Variants in CENPW observed in about 807,000 individuals in gnomAD.
The protein encoded by CENPW is centromere protein W.
A neutral mutation model predicts 11.1 loss-of-function variants in CENPW; 3 were observed. The ratio of observed to expected loss-of-function variants is 0.27; its 90% CI spans 0.12 to 0.70. The LOEUF (loss-of-function observed/expected upper bound fraction) is 0.70. Among genes scored for constraint, CENPW ranks in the 30% least tolerant of loss-of-function variants. The probability of loss-of-function intolerance (pLI) is 0.77; values close to 1 mark genes in which losing one functional copy is unlikely to be tolerated. For synonymous variants in CENPW, 38 were observed against 42.0 expected (o/e 0.91, Z 0.37); for missense variants, 100 against 105.6 (o/e 0.95, Z 0.23).
the CENPW span, among the ~76,000 whole-genome samples, chr6:126,478,301 G>A: frequency 6.6e-6 from 1 of 151,682 alleles, no homozygotes; most frequent in Admixed American, 6.6e-5. Flanking sequence ...AAATAATGAA[G>A]CAAAAAGACA....
At chr6:126,369,878 T>A in the CENPW span, among the ~76,000 whole-genome samples, 2 of 152,222 alleles carry the variant, frequency 1.3e-5, no homozygotes, top group Non-Finnish European at 2.9e-5. Context: ...GTTTTTCCAA[T>A]GTTATCTTCT....
the CENPW span, among the ~76,000 whole-genome samples, chr6:126,418,720 C>G: frequency 1.3e-5 from 2 of 151,948 alleles, no homozygotes; most frequent in Non-Finnish European, 2.9e-5. Context: ...ATCATATCAA[C>G]TCTGGGGTTA....
At chr6:126,421,181 T>C in the CENPW span, among the ~76,000 whole-genome samples, 3 of 152,180 alleles carry the variant, frequency 2.0e-5, no homozygotes, top group African/African-American at 7.2e-5. Flanking sequence ...CATCTCATAG[T>C]TATTTTGTCC....
the CENPW span, among the ~76,000 whole-genome samples, chr6:126,434,059 T>C: frequency 7.9e-5 from 12 of 152,160 alleles, no homozygotes; most frequent in Non-Finnish European, 1.8e-4. Flanking sequence ...TCTTCCAAGA[T>C]AGGCAAGCAC....
the CENPW span, among the ~76,000 whole-genome samples, chr6:126,421,191 C>T: frequency 6.6e-6 from 1 of 152,026 alleles, no homozygotes; most frequent in Non-Finnish European, 1.5e-5. Flanking sequence ...TTATTTTGTC[C>T]TCTACTATTC....
the CENPW span, among the ~76,000 whole-genome samples, chr6:126,425,363 C>T: frequency 6.6e-6 from 1 of 152,004 alleles, no homozygotes; most frequent in South Asian, 2.1e-4. Flanking sequence ...CTTCTTTCTT[C>T]TCTCGCTCTT....
At chr6:126,416,861 TGCAGAAG>T in the CENPW span, among the ~76,000 whole-genome samples, 1 of 152,196 alleles carries the variant, frequency 6.6e-6, no homozygotes, top group Admixed American at 6.5e-5. Context: ...GCTAGGGCAG[TGCAGAAG>T]GGAAATATGG....
chr6:126,362,586 C>T, the CENPW span, among the ~76,000 whole-genome samples: 44 of 152,264 alleles, frequency 2.9e-4, no homozygotes, highest in South Asian at 1.5e-3. Context: ...GTGGGAACAG[C>T]GCTTCGTGGC....
At chr6:126,411,302 C>A in the CENPW span, among the ~76,000 whole-genome samples, 3 of 152,304 alleles carry the variant, frequency 2.0e-5, no homozygotes, top group South Asian at 4.1e-4. Context: ...ATGGCAGCAG[C>A]AGTGACATAG....
At chr6:126,454,565 TA>T in the CENPW span, among the ~76,000 whole-genome samples, 1 of 151,240 alleles carries the variant, frequency 6.6e-6, no homozygotes, top group African/African-American at 2.4e-5. Flanking sequence ...GGGACACAGC[TA>T]ACGCAACATT....
At chr6:126,436,225 G>C in the CENPW span, among the ~76,000 whole-genome samples, 12 of 151,672 alleles carry the variant, frequency 7.9e-5, no homozygotes, top group Middle Eastern at 3.2e-3. Flanking sequence ...AATCAGGCAG[G>C]TGTACTAATC....
chr6:126,422,459 T>A, the CENPW span, among the ~76,000 whole-genome samples: 1 of 152,078 alleles, frequency 6.6e-6, no homozygotes, highest in African/African-American at 2.4e-5. Flanking sequence ...TTTTTCTTCA[T>A]CCTCACGTGG....
the CENPW span, among the ~76,000 whole-genome samples, chr6:126,363,636 G>A: frequency 6.6e-6 from 1 of 152,016 alleles, no homozygotes; most frequent in African/African-American, 2.4e-5. Context: ...CATGTTTCTG[G>A]TAGCAGTTAG....
the CENPW span, among the ~76,000 whole-genome samples, chr6:126,369,953 A>G: frequency 6.6e-6 from 1 of 152,180 alleles, no homozygotes; most frequent in Non-Finnish European, 1.5e-5. Flanking sequence ...ATTTTTGTAT[A>G]ACGTGAGAGA....
At chr6:126,466,253 T>C in the CENPW span, among the ~76,000 whole-genome samples, 6 of 152,166 alleles carry the variant, frequency 3.9e-5, no homozygotes, top group Admixed American at 2.6e-4. Flanking sequence ...TACAAGTGTA[T>C]AAAACAACCT....
chr6:126,380,145 T>A, the CENPW span, among the ~76,000 whole-genome samples: 1 of 152,306 alleles, frequency 6.6e-6, no homozygotes, highest in South Asian at 2.1e-4. Flanking sequence ...GGAAGTTGAT[T>A]TAAGCTCGGG....
At chr6:126,391,101 G>C in the CENPW span, among the ~76,000 whole-genome samples, 61,898 of 151,724 alleles carry the variant, frequency 0.41, 15,834 homozygotes, top group East Asian at 0.97. Flanking sequence ...AGTGTACAAG[G>C]GTTCCCTTTT....
At chr6:126,427,733 T>C in the CENPW span, among the ~76,000 whole-genome samples, 1 of 152,216 alleles carries the variant, frequency 6.6e-6, no homozygotes, top group Non-Finnish European at 1.5e-5. Context: ...TATTCAACTG[T>C]TGTGTGACAA....
chr6:126,482,799 T>C, the CENPW span, among the ~76,000 whole-genome samples: 1 of 152,106 alleles, frequency 6.6e-6, no homozygotes, highest in East Asian at 1.9e-4. Context: ...CCTGTTTAGT[T>C]TTTCTTCTGT....
Sources: gnomAD v4.1 joint callset for allele counts (sites outside exome capture counted in the v4.1 genomes callset) on GRCh38, gnomAD v4.1.1 for gene constraint, MANE v1.5 for transcripts, NCBI Gene and HGNC (gene_info 2026-07-23, HGNC 2026-07-21) for gene names.